Variants in MYO1H observed in about 807,000 individuals in gnomAD.
MYO1H encodes unconventional myosin-Ih.
In MYO1H, 118 loss-of-function variants were observed where a neutral mutation model predicts 149.3. The observed-to-expected ratio is 0.79, with a 90% CI of 0.68 to 0.92. MYO1H has a LOEUF of 0.92. Among genes scored for constraint, MYO1H ranks in the 40% least tolerant of loss-of-function variants. The probability of loss-of-function intolerance (pLI) is 0.00; values close to 1 mark genes in which losing one functional copy is unlikely to be tolerated. For missense variants in MYO1H, 1,212 were observed against 1,280.7 expected (o/e 0.95, Z 0.82); for synonymous variants, 447 against 465.2 (o/e 0.96, Z 0.50).
the MYO1H span, among the ~76,000 whole-genome samples, chr12:109,327,739 C>CAAAAAAAAAAAAAAA: frequency 1.2e-4 from 10 of 85,614 alleles, no homozygotes; most frequent in Admixed American, 1.4e-4. Flanking sequence ...AAAACTGTCT[C>CAAAAAAAAAAAAAAA]AAAAAAAAAA....
intron 1 of MYO1H, among the ~76,000 whole-genome samples, chr12:109,382,293 G>C (rs1426678363): frequency 6.6e-6 from 1 of 152,134 alleles, no homozygotes; most frequent in Non-Finnish European, 1.5e-5. Context: ...GAGAAAGACA[G>C]ACATGTTAAA....
At chr12:109,353,998 T>C (rs1868525551) in intron 1 of MYO1H, 1 of 151,894 alleles carries the variant, frequency 6.6e-6, no homozygotes, top group Admixed American at 6.6e-5. Context: ...ATGATTTTTA[T>C]TCTCTTTGTT....
chr12:109,423,252 G>A (rs1871245674), intron 16 of MYO1H, among the ~76,000 whole-genome samples: 1 of 152,102 alleles, frequency 6.6e-6, no homozygotes, highest in Admixed American at 6.5e-5. Context: ...TCTGCTTCTG[G>A]GGTTCAAGCA....
At position 109,427,895 on chromosome 12, in the gene MYO1H, AAAAAAAAAAAAAAAAT is replaced by A. The variant is rs1345829651; in HGVS notation, c.1949+311_1949+326del. On this transcript the variant is annotated intron_variant, in intron 19 of 31. Coordinates refer to ENST00000310903, the Ensembl canonical transcript of MYO1H. The stretch of plus-strand genomic sequence containing the variant: ...CCCAATCTCTACAAAAAAAAAAAAA[AAAAAAAAAAAAAAAAT>A]ATATATATATATATATATATATATA... 1.4e-4 allele frequency among the ~76,000 whole-genome samples: 7 copies of A among 51,644 alleles called. No homozygotes were observed. In the South Asian group the frequency reaches 2.7e-3, roughly 20 times the overall value. 33.9% of individuals were successfully genotyped at this position (51,644 alleles called of 152,430 possible). A position where few individuals can be genotyped will look rare whatever the true frequency, so the allele number is the denominator to read the frequency against.
At chr12:109,434,017 T>C (rs923239187) in intron 20 of MYO1H, among the ~76,000 whole-genome samples, 24 of 152,136 alleles carry the variant, frequency 1.6e-4, no homozygotes, top group African/African-American at 5.6e-4. Context: ...ATCTTCTTTT[T>C]ATTTTTTTAT....
At chr12:109,344,782 T>C (rs184492688), upstream of MYO1H, among the ~76,000 whole-genome samples, 92 of 152,328 alleles carry the variant, frequency 6.0e-4, 1 homozygote, top group Admixed American at 3.6e-3. Flanking sequence ...GACAGACATG[T>C]AGATCAATGG....
Position 109,425,916 on chromosome 12 carries a change from TTCTC to T in MYO1H, c.1726-22_1726-19del, listed in dbSNP as rs67083809. ...GAAGCAGCAGTATCTCTCTGGCTCG[TTCTC>T]TCTCTCTTTCTCTCTCTCTCTGCAG... On this transcript the variant is annotated intron_variant, in intron 17 of 31. Transcript: ENST00000310903. The T allele has an allele frequency of 7.8e-5, 117 of 1,502,440 alleles. 1 individual carries two copies. The highest frequency in any genetic ancestry group is 9.7e-5 in the Non-Finnish European group (105 of 1,084,314). 93.1% of individuals were successfully genotyped at this position (1,502,440 alleles called of 1,614,324 possible).
At chr12:109,420,328 G>A (rs1352539610) in intron 15 of MYO1H, among the ~76,000 whole-genome samples, 1 of 152,278 alleles carries the variant, frequency 6.6e-6, no homozygotes, top group South Asian at 2.1e-4. Flanking sequence ...GCAATGTCTA[G>A]CATATTAGTC....
chr12:109,378,150 G>A (rs1447048594), intron 1 of MYO1H, among the ~76,000 whole-genome samples: 2 of 152,058 alleles, frequency 1.3e-5, no homozygotes, highest in African/African-American at 4.8e-5. Flanking sequence ...TATATTTGCA[G>A]AGTTGTGCAG....
intron 2 of MYO1H, among the ~76,000 whole-genome samples, chr12:109,391,538 AC>A (rs2137036240): frequency 6.6e-6 from 1 of 152,310 alleles, no homozygotes; most frequent in South Asian, 2.1e-4. Flanking sequence ...GCCGCAGTGA[AC>A]ACACGTGTAC....
chr12:109,375,924 A>G (rs1869078175), intron 1 of MYO1H, among the ~76,000 whole-genome samples: 1 of 152,202 alleles, frequency 6.6e-6, no homozygotes, highest in Non-Finnish European at 1.5e-5. Context: ...GGCTACAGTA[A>G]TCTATAATAG....
At chr12:109,365,390 C>T (rs1338975366) in intron 1 of MYO1H, among the ~76,000 whole-genome samples, 1 of 152,180 alleles carries the variant, frequency 6.6e-6, no homozygotes, top group African/African-American at 2.4e-5. Flanking sequence ...AAAATACTTC[C>T]CAGGCAGATG....
At chr12:109,407,702 T>C in intron 9 of MYO1H, 92 bp from the exon 10 acceptor site, 2 of 1,382,884 alleles carry the variant, frequency 1.4e-6, no homozygotes, top group East Asian at 2.5e-5. Context: ...TGTCTCATTA[T>C]TTTATTTTTT....
chr12:109,320,751 T>A, the MYO1H span, among the ~76,000 whole-genome samples: 6 of 151,752 alleles, frequency 4.0e-5, no homozygotes, highest in African/African-American at 1.5e-4. Flanking sequence ...AGGATTAATA[T>A]CAATCTGAAA....
At chr12:109,373,013 T>C (rs1187383612) in intron 1 of MYO1H, among the ~76,000 whole-genome samples, 1 of 152,126 alleles carries the variant, frequency 6.6e-6, no homozygotes, top group Non-Finnish European at 1.5e-5. Flanking sequence ...CTTTAGTCAA[T>C]ATCTTAAGGG....
chr12:109,345,155 A>G (rs1051982413), upstream of MYO1H, among the ~76,000 whole-genome samples: 1 of 152,210 alleles, frequency 6.6e-6, no homozygotes, highest in South Asian at 2.1e-4. Flanking sequence ...CTATCAAGAA[A>G]GTGAAAAGAC....
At chr12:109,409,525 T>C (rs766721760) in intron 10 of MYO1H, 32 bp from the exon 11 acceptor site, 1 of 1,596,364 alleles carries the variant, frequency 6.3e-7, no homozygotes, top group Non-Finnish European at 8.6e-7. Flanking sequence ...GGAAAAGACC[T>C]AACTATGAAT....
intron 9 of MYO1H, 71 bp downstream of exon 9, chr12:109,406,931 T>A: frequency 7.0e-7 from 1 of 1,437,730 alleles, no homozygotes; most frequent in East Asian, 2.3e-5. Flanking sequence ...AACAGCAGGG[T>A]GGTGGCCTCA....
At chr12:109,418,589 C>A (rs1410789292) in intron 15 of MYO1H, among the ~76,000 whole-genome samples, 1 of 152,002 alleles carries the variant, frequency 6.6e-6, no homozygotes, top group East Asian at 1.9e-4. Flanking sequence ...TCGCCTGTGG[C>A]CCAGGCTGGA....
Sources: gnomAD v4.1 joint callset for allele counts (sites outside exome capture counted in the v4.1 genomes callset) on GRCh38, gnomAD v4.1.1 for gene constraint, MANE v1.5 for transcripts, NCBI Gene and HGNC (gene_info 2026-07-23, HGNC 2026-07-21) for gene names.